BMP6: variants seen among roughly 807,000 people sequenced by gnomAD.
BMP6 encodes the protein bone morphogenetic protein 6, also known as VG-1-R.
A neutral mutation model predicts 54.1 loss-of-function variants in BMP6; 17 were observed. The ratio of observed to expected loss-of-function variants is 0.31; its 90% CI spans 0.22 to 0.47. BMP6 has a LOEUF of 0.47. Ranked by LOEUF, BMP6 falls within the 20% of genes least tolerant of loss-of-function variation. The probability of loss-of-function intolerance (pLI) is 1.00; values close to 1 mark genes in which losing one functional copy is unlikely to be tolerated. For synonymous variants in BMP6, 328 were observed against 291.2 expected, an observed-to-expected ratio of 1.13 and a Z score of -1.28; for missense variants, 720 against 690.4, an observed-to-expected ratio of 1.04 and a Z score of -0.48.
intron 1 of BMP6, among the ~76,000 whole-genome samples, chr6:7,738,860 AATC>A (rs1762000587): frequency 6.6e-6 from 1 of 152,200 alleles, no homozygotes; most frequent in African/African-American, 2.4e-5. Flanking sequence ...TAGGGAATGA[AATC>A]ATCACTCCCA....
chr6:7,856,119 G>GTAAAAAA (rs1759227774), intron 2 of BMP6, among the ~76,000 whole-genome samples: 1 of 7,358 alleles, frequency 1.4e-4, no homozygotes, highest in African/African-American at 4.0e-4. Flanking sequence ...ATCAAAGACT[G>GTAAAAAA]TAAAAAAAAA....
At chr6:7,737,337 A>G (rs905101772) in intron 1 of BMP6, among the ~76,000 whole-genome samples, 1 of 152,182 alleles carries the variant, frequency 6.6e-6, no homozygotes, top group Non-Finnish European at 1.5e-5. Flanking sequence ...AGTGATATCC[A>G]TGGGCAGGAC....
At chr6:7,805,851 GA>G (rs984019432) in intron 1 of BMP6, among the ~76,000 whole-genome samples, 9 of 152,272 alleles carry the variant, frequency 5.9e-5, no homozygotes, top group African/African-American at 2.2e-4. Context: ...GCCATGATTT[GA>G]AAAACGTCCC....
chr6:7,795,657 C>T (rs1361299172), intron 1 of BMP6, among the ~76,000 whole-genome samples: 1 of 152,094 alleles, frequency 6.6e-6, no homozygotes, highest in Non-Finnish European at 1.5e-5. Flanking sequence ...TGGGATAGAA[C>T]TTGGAGAAGG....
intron 1 of BMP6, among the ~76,000 whole-genome samples, chr6:7,819,305 A>T (rs1354783054): frequency 6.6e-6 from 1 of 152,158 alleles, no homozygotes; most frequent in Non-Finnish European, 1.5e-5. Context: ...AAACCTGAGT[A>T]TACTGGGTAT....
intron 1 of BMP6, among the ~76,000 whole-genome samples, chr6:7,783,373 C>T (rs559930871): frequency 5.3e-5 from 8 of 152,180 alleles, no homozygotes; most frequent in Non-Finnish European, 8.8e-5. Context: ...TCCTCTATGA[C>T]GCTGTATATT....
chr6:7,747,160 G>A (rs530307173), intron 1 of BMP6, among the ~76,000 whole-genome samples: 1 of 152,350 alleles, frequency 6.6e-6, no homozygotes, highest in East Asian at 1.9e-4. Context: ...ATTTAGAGAA[G>A]TTTAGATGTT....
At chr6:7,752,661 G>A (rs1009366492) in intron 1 of BMP6, among the ~76,000 whole-genome samples, 5 of 149,824 alleles carry the variant, frequency 3.3e-5, no homozygotes, top group African/African-American at 1.2e-4. Context: ...TGCTTTTAGT[G>A]TTCCATCATT....
chr6:7,874,409 G>C (rs888404343), intron 4 of BMP6, among the ~76,000 whole-genome samples: 3 of 152,192 alleles, frequency 2.0e-5, no homozygotes, highest in Non-Finnish European at 4.4e-5. Flanking sequence ...TCTCACCCCA[G>C]ATGGCCTCAT....
intron 1 of BMP6, among the ~76,000 whole-genome samples, chr6:7,789,710 A>G (rs13216391): frequency 0.21 from 31,685 of 151,928 alleles, 3,717 homozygotes; most frequent in African/African-American, 0.31. Context: ...GGGGCTGGTT[A>G]GTAATTATTT....
At chr6:7,859,938 GAAA>G (rs1759308859) in intron 2 of BMP6, among the ~76,000 whole-genome samples, 1 of 152,204 alleles carries the variant, frequency 6.6e-6, no homozygotes, top group Admixed American at 6.5e-5. Context: ...CCTCCTCTGA[GAAA>G]TCTAACCATT....
chr6:7,798,405 G>T (rs1165977493), intron 1 of BMP6, among the ~76,000 whole-genome samples: 1 of 152,186 alleles, frequency 6.6e-6, no homozygotes, highest in Admixed American at 6.5e-5. Flanking sequence ...GTCCCTGTTC[G>T]CAGTCATGCA....
chr6:7,814,644 G>A (rs970680922), intron 1 of BMP6, among the ~76,000 whole-genome samples: 5 of 152,136 alleles, frequency 3.3e-5, no homozygotes, highest in Non-Finnish European at 4.4e-5. Flanking sequence ...CAGGAGACAT[G>A]TAATGATGTG....
chr6:7,874,051 C>T (rs889946304), intron 4 of BMP6, among the ~76,000 whole-genome samples: 12 of 152,048 alleles, frequency 7.9e-5, no homozygotes, highest in South Asian at 2.1e-4. Flanking sequence ...CCTTTAGGAG[C>T]GCAGGGCGTT....
chr6:7,726,906 C>T lies in BMP6; in HGVS notation c.-50C>T, dbSNP rs1167803137. ...CAGCGGCCGCGCTCCGGCCTCGCTCCGCCGCTCCACGCCTCGCGGGATCCG... is the reference window on the plus strand; with the variant it reads ...CAGCGGCCGCGCTCCGGCCTCGCTCTGCCGCTCCACGCCTCGCGGGATCCG... On this transcript the variant is annotated 5_prime_UTR_variant, in exon 1 of 7. Transcript: ENST00000283147. 18 of 1,099,198 alleles carry T rather than the reference C, an allele frequency of 1.6e-5. No individual in the cohort carries two copies. The highest frequency in any genetic ancestry group is 2.0e-5 in the Non-Finnish European group (18 of 901,234). 68.1% of individuals were successfully genotyped at this position (1,099,198 alleles called of 1,614,324 possible).
intron 1 of BMP6, among the ~76,000 whole-genome samples, chr6:7,741,198 C>T (rs149811083): frequency 9.8e-4 from 150 of 152,314 alleles, no homozygotes; most frequent in African/African-American, 3.2e-3. Flanking sequence ...AATTTGCTTA[C>T]CCATGTGCCA....
intron 1 of BMP6, among the ~76,000 whole-genome samples, chr6:7,770,393 A>G (rs1328682140): frequency 7.2e-5 from 11 of 152,200 alleles, no homozygotes; most frequent in South Asian, 6.2e-4. Flanking sequence ...CTGGAACCAC[A>G]TGTAACAATT....
chr6:7,772,761 G>A (rs2113157358), intron 1 of BMP6, among the ~76,000 whole-genome samples: 1 of 152,326 alleles, frequency 6.6e-6, no homozygotes, highest in Admixed American at 6.5e-5. Flanking sequence ...GGGAGAACAT[G>A]TCCTGTCTTT....
chr6:7,834,993 G>A (rs1405592905), intron 1 of BMP6, among the ~76,000 whole-genome samples: 1 of 152,212 alleles, frequency 6.6e-6, no homozygotes, highest in Non-Finnish European at 1.5e-5. Context: ...GACGGCATCT[G>A]AGCCGGGCAG....
Sources: gnomAD v4.1 joint callset for allele counts (sites outside exome capture counted in the v4.1 genomes callset) on GRCh38, gnomAD v4.1.1 for gene constraint, MANE v1.5 for transcripts, NCBI Gene and HGNC (gene_info 2026-07-23, HGNC 2026-07-21) for gene names.